MTHFD1L: variants seen among roughly 807,000 people sequenced by gnomAD.
MTHFD1L encodes the protein monofunctional C1-tetrahydrofolate synthase, mitochondrial.
A neutral mutation model predicts 119.5 loss-of-function variants in MTHFD1L; 81 were observed. The ratio of observed to expected loss-of-function variants is 0.68; its 90% CI spans 0.57 to 0.82. MTHFD1L has a LOEUF of 0.82. Ranked by LOEUF, MTHFD1L falls within the 40% of genes least tolerant of loss-of-function variation. The pLI, the probability that MTHFD1L is intolerant of heterozygous loss-of-function variation, is 0.00. For synonymous variants in MTHFD1L, 430 were observed against 475.2 expected (o/e 0.90, Z 1.24); for missense variants, 1,125 against 1,253.4 (o/e 0.90, Z 1.55).
chr6:150,987,687 C>T (rs79186450), intron 20 of MTHFD1L, among the ~76,000 whole-genome samples: 2,276 of 152,322 alleles, frequency 0.015, 54 homozygotes, highest in African/African-American at 0.052. Flanking sequence ...TTTGCCACCT[C>T]TGAATGTTCA....
At chr6:151,017,830 C>CTTTTTTTTTTTTTTTTTTTTTTTTT (rs895364993) in intron 24 of MTHFD1L, among the ~76,000 whole-genome samples, 3 of 99,010 alleles carry the variant, frequency 3.0e-5, no homozygotes, top group African/African-American at 4.1e-5. Flanking sequence ...ACCGTGTTTT[C>CTTTTTTTTTTTTTTTTTTTTTTTTT]TTTTTTTTTT....
intron 20 of MTHFD1L, among the ~76,000 whole-genome samples, chr6:151,002,384 G>A (rs1432218166): frequency 6.6e-6 from 1 of 152,214 alleles, no homozygotes; most frequent in African/African-American, 2.4e-5. Flanking sequence ...AGGACACCTA[G>A]TACATTGCCT....
chr6:150,917,807 A>C (rs1788232999), intron 8 of MTHFD1L, among the ~76,000 whole-genome samples: 1 of 152,068 alleles, frequency 6.6e-6, no homozygotes, highest in Non-Finnish European at 1.5e-5. Context: ...TGCAAGTCTG[A>C]CTCTGAATTC....
chr6:150,949,057 G>C lies in MTHFD1L; in HGVS notation c.1650G>C (p.Pro550=), dbSNP rs143332247. 7.4e-6 allele frequency: 12 copies of C among 1,613,628 alleles called. No homozygotes were observed. The highest frequency in any genetic ancestry group is 1.0e-5 in the Non-Finnish European group (12 of 1,179,888). The change falls in exon 16 of 28, where the codon CCG becomes CCC. Residue 550 remains proline (P), a synonymous_variant. Transcript: ENST00000367321. ...AACTGGGAATAAATAAGACTGATCC[G>C]AGCACACTGACAGAAGAGGAAGTGA... The part of the protein sequence containing the change: ...LKKLGINKTD[P]STLTEEEVSK...
chr6:150,925,229 G>T (rs1227495779), intron 10 of MTHFD1L, among the ~76,000 whole-genome samples: 1 of 152,162 alleles, frequency 6.6e-6, no homozygotes, highest in African/African-American at 2.4e-5. Context: ...CCTCTCTGAT[G>T]CAACCTTTAA....
intron 11 of MTHFD1L, among the ~76,000 whole-genome samples, chr6:150,934,433 C>T (rs530966677): frequency 6.6e-6 from 1 of 152,170 alleles, no homozygotes; most frequent in Non-Finnish European, 1.5e-5. Context: ...ATTTCCCTGT[C>T]TTAGTGTTTG....
chr6:151,046,501 A>C (rs1450140845), intron 26 of MTHFD1L, among the ~76,000 whole-genome samples: 1 of 133,780 alleles, frequency 7.5e-6, no homozygotes, highest in Non-Finnish European at 1.6e-5. Flanking sequence ...ATATATATAT[A>C]TATATATATA....
Position 150,974,868 on chromosome 6 carries a change from C to T in MTHFD1L, c.2125+2810C>T, listed in dbSNP as rs773894590. On this transcript the variant is annotated intron_variant, in intron 20 of 27. Coordinates refer to ENST00000367321, the MANE Select transcript of MTHFD1L (RefSeq NM_015440.5). ...CCTCCTACCTCAGCCTCCCGAGTAG[C>T]TGGGATTACAAACATGCACCACCAC... Among the ~76,000 whole-genome samples the T allele has an allele frequency of 5.3e-5, 8 of 152,144 alleles. No individual in the cohort carries two copies. The South Asian group carries it at 6.2e-4, about 12-fold the overall frequency.
intron 7 of MTHFD1L, among the ~76,000 whole-genome samples, chr6:150,894,986 T>G (rs556680456): frequency 1.2e-4 from 18 of 152,084 alleles, no homozygotes; most frequent in African/African-American, 3.6e-4. Context: ...ACCCTAGAGG[T>G]GGGGAGGGGA....
At chr6:151,009,234 A>G (rs189089191) in intron 20 of MTHFD1L, among the ~76,000 whole-genome samples, 7 of 152,004 alleles carry the variant, frequency 4.6e-5, no homozygotes, top group Admixed American at 3.3e-4. Flanking sequence ...CCCCATCTGT[A>G]TGAAGAAAAG....
intron 24 of MTHFD1L, among the ~76,000 whole-genome samples, chr6:151,017,720 G>A (rs2128495408): frequency 6.6e-6 from 1 of 151,810 alleles, no homozygotes; most frequent in Admixed American, 6.6e-5. Context: ...TTGTCCATCT[G>A]TGGATGGACA....
At chr6:150,880,834 G>T (rs1781287297) in intron 4 of MTHFD1L, among the ~76,000 whole-genome samples, 2 of 152,160 alleles carry the variant, frequency 1.3e-5, no homozygotes, top group South Asian at 4.1e-4. Context: ...GCATTTCCCT[G>T]ATAATTAATG....
intron 27 of MTHFD1L, among the ~76,000 whole-genome samples, chr6:151,098,146 C>G (rs1795046413): frequency 6.6e-6 from 1 of 152,054 alleles, no homozygotes; most frequent in Non-Finnish European, 1.5e-5. Flanking sequence ...TGCACTCTAG[C>G]CTGGGTGACA....
At chr6:151,081,877 G>A (rs13217465) in intron 26 of MTHFD1L, among the ~76,000 whole-genome samples, 40,891 of 151,684 alleles carry the variant, frequency 0.27, 5,615 homozygotes, top group South Asian at 0.44. Flanking sequence ...AGACCAGATC[G>A]GCTGAGTGAA....
chr6:150,866,136 C>G, intron 1 of MTHFD1L, 87 bp downstream of exon 1: 1 of 1,415,514 alleles, frequency 7.1e-7, no homozygotes, highest in South Asian at 1.4e-5. Flanking sequence ...CCGTGGGGAG[C>G]GGGGCGCGGG....
chr6:150,911,931 C>A (rs1471943636), intron 8 of MTHFD1L, among the ~76,000 whole-genome samples: 1 of 152,148 alleles, frequency 6.6e-6, no homozygotes, highest in Non-Finnish European at 1.5e-5. Flanking sequence ...CCCACTGGGT[C>A]CCTCCTACAA....
intron 18 of MTHFD1L, among the ~76,000 whole-genome samples, chr6:150,963,391 G>C (rs75228803): frequency 0.16 from 24,095 of 152,118 alleles, 2,553 homozygotes; most frequent in African/African-American, 0.3. Flanking sequence ...CCACCAAAAT[G>C]ATAACTGTGA....
At chr6:150,994,028 G>C (rs1296967665) in intron 20 of MTHFD1L, among the ~76,000 whole-genome samples, 3 of 134,152 alleles carry the variant, frequency 2.2e-5, no homozygotes, top group Non-Finnish European at 4.5e-5. Flanking sequence ...AAATGAGTCA[G>C]TTAGGATTAG....
chr6:150,959,892 A>C (rs1369580198), intron 17 of MTHFD1L, among the ~76,000 whole-genome samples: 1 of 152,204 alleles, frequency 6.6e-6, no homozygotes, highest in Non-Finnish European at 1.5e-5. Context: ...CCGTCATGGC[A>C]CTTACGGTCC....
Sources: allele counts gnomAD v4.1 joint callset (sites outside exome capture counted in the v4.1 genomes callset), GRCh38; gene constraint gnomAD v4.1.1; transcripts MANE v1.5; gene names NCBI Gene and HGNC (gene_info 2026-07-23, HGNC 2026-07-21).